Variants in CTDP1 observed in about 807,000 individuals in gnomAD.
CTDP1 encodes CTD phosphatase 1, also known as RNA polymerase II subunit A C-terminal domain phosphatase.
CTDP1 carries 47 observed loss-of-function variants against 91.8 expected under a neutral mutation model. The observed-to-expected ratio is 0.51, with a 90% CI of 0.41 to 0.65. CTDP1 has a LOEUF of 0.65. Ranked by LOEUF, CTDP1 falls within the 30% of genes least tolerant of loss-of-function variation. The pLI is 0.00. For missense variants in CTDP1, 1,272 were observed against 1,373.7 expected (o/e 0.93, Z 1.17); for synonymous variants, 656 against 598.5 (o/e 1.10, Z -1.40).
chr18:79,714,621 C>T lies in CTDP1; in HGVS notation c.1161C>T (p.Ser387=), dbSNP rs376513601. 1.5e-5 allele frequency: 24 copies of T among 1,612,590 alleles called. No homozygotes were observed. The highest frequency in any genetic ancestry group is 5.3e-5 in the African/African-American group (4 of 74,934). The part of the protein sequence containing the change: ...LEKPARELNG[S]EAATPRDSPR... ...AGCCTGCACGGGAGCTGAACGGCAG[C>T]GAGGCCGCCACCCCGCGGGACTCAC... Residue 387 remains serine, a synonymous_variant, in exon 8 of 13, where the codon AGC becomes AGT. Transcript: ENST00000613122.
intron 6 of CTDP1, 90 bp downstream of exon 6, chr18:79,710,526 T>C (rs1568190645): frequency 9.7e-7 from 1 of 1,034,492 alleles, no homozygotes; most frequent in Non-Finnish European, 1.5e-6. Flanking sequence ...AGTATTTCTT[T>C]TTTTCTTTTT....
chr18:79,705,059 G>GT (rs1568186777), intron 5 of CTDP1, 142 bp downstream of exon 5: 1 of 1,321,126 alleles, frequency 7.6e-7, no homozygotes, highest in African/African-American at 1.5e-5. Context: ...TGTGCAGGGG[G>GT]TTGTGAGAGG....
chr18:79,717,320 A>T (rs1420902169), intron 8 of CTDP1, among the ~76,000 whole-genome samples: 2 of 142,798 alleles, frequency 1.4e-5, no homozygotes, highest in Admixed American at 7.0e-5. Context: ...GGTGGGGTGC[A>T]GCCGGGTGAG....
intron 5 of CTDP1, among the ~76,000 whole-genome samples, chr18:79,706,420 G>A (rs114708551): frequency 0.016 from 2,381 of 152,242 alleles, 69 homozygotes; most frequent in African/African-American, 0.054. Context: ...CACACAAACC[G>A]CAGGGACAGT....
rs1283138630 is a variant in CTDP1 at position 79,714,378 on chromosome 18, T to G, written c.1031-113T>G. Reference sequence around the variant, plus strand: ...TCACAGCAAGGTTGCCAAGGCCTGGTCTAGAGGGTGGTGGACTTCACAGCC... The same window carrying G: ...TCACAGCAAGGTTGCCAAGGCCTGGGCTAGAGGGTGGTGGACTTCACAGCC... On this transcript the variant is annotated intron_variant, in intron 7 of 12. Transcript: ENST00000613122. 31 of 1,252,366 alleles carry G rather than the reference T, an allele frequency of 2.5e-5. No homozygotes were observed. In the East Asian group the frequency reaches 7.4e-4, roughly 30 times the overall value. 77.6% of individuals were successfully genotyped at this position (1,252,366 alleles called of 1,614,324 possible).
Position 79,693,247 on chromosome 18 carries a change from T to TTTTTTG in CTDP1, c.315-1960_315-1955dup, listed in dbSNP as rs533161824. ...TGGTCCAGTGTGGGGTTTGTGCGTT[T>TTTTTTG]TTTTTGTTTTTGTTTTTGTTTTTTT... On this transcript the variant is annotated intron_variant, in intron 1 of 12. Transcript: ENST00000613122. Among the ~76,000 whole-genome samples, 300 of 152,268 alleles carry TTTTTTG rather than the reference T, an allele frequency of 2.0e-3. 2 individuals carry two copies. Among genetic ancestry groups the TTTTTTG allele is most frequent in the African/African-American group, 6.0e-3 (250 of 41,548 alleles).
At chr18:79,706,459 G>T (rs751655035) in intron 5 of CTDP1, among the ~76,000 whole-genome samples, 1 of 152,224 alleles carries the variant, frequency 6.6e-6, no homozygotes, top group Admixed American at 6.5e-5. Flanking sequence ...ACAACTGAGC[G>T]GGGCATCACT....
Position 79,696,604 on chromosome 18 carries a change from A to C in CTDP1, c.492+534A>C, listed in dbSNP as rs377040305. 4.4e-3 allele frequency among the ~76,000 whole-genome samples: 667 copies of C among 151,968 alleles called. 3 individuals carry two copies. Among genetic ancestry groups the C allele is most frequent in the African/African-American group, 0.015 (601 of 41,422 alleles). On this transcript the variant is annotated intron_variant, in intron 3 of 12. Transcript: ENST00000613122. ...GGCACCATTGGGAAGCTGGCTCGGGAGAGTGGGCACATGCAGGGGCGGGTT... is the reference window on the plus strand; with the variant it reads ...GGCACCATTGGGAAGCTGGCTCGGGCGAGTGGGCACATGCAGGGGCGGGTT...
Position 79,704,757 on chromosome 18 carries a change from T to A in CTDP1, c.622-10T>A. ...CCTTTTCTCCCGACTGTTGCTACTA[T>A]TCTTTTTAGGGCATCTTTCACTTCC... is the stretch of plus-strand genomic sequence containing the variant. On this transcript the variant is annotated splice_polypyrimidine_tract_variant and intron_variant, in intron 4 of 12. Coordinates refer to ENST00000613122, the MANE Select transcript of CTDP1 (RefSeq NM_004715.5). 2 of 1,613,418 alleles carry A rather than the reference T, an allele frequency of 1.2e-6. No individual in the cohort carries two copies. Among genetic ancestry groups the A allele is most frequent in the South Asian group, 1.1e-5 (1 of 91,088 alleles).
intron 1 of CTDP1, among the ~76,000 whole-genome samples, chr18:79,693,785 C>A (rs2085674411): frequency 6.6e-6 from 1 of 152,166 alleles, no homozygotes; most frequent in African/African-American, 2.4e-5. Flanking sequence ...CCCCTCCACT[C>A]CCCTCCAGGC....
intron 12 of CTDP1, among the ~76,000 whole-genome samples, chr18:79,742,730 G>A (rs1380827078): frequency 7.2e-5 from 11 of 152,206 alleles, no homozygotes; most frequent in African/African-American, 2.7e-4. Context: ...TGCCGAGGTG[G>A]GCAGATGACT....
intron 11 of CTDP1, among the ~76,000 whole-genome samples, chr18:79,734,069 C>T (rs962481526): frequency 4.6e-5 from 7 of 152,352 alleles, no homozygotes; most frequent in East Asian, 1.9e-4. Context: ...GTGCAAGTGA[C>T]GTGTGTTTGG....
chr18:79,695,890 CAGCTAGAATCCTGTCACTTAG>C, intron 2 of CTDP1, 66 bp from the exon 3 acceptor site: 1 of 1,058,000 alleles, frequency 9.5e-7, no homozygotes, highest in South Asian at 1.3e-5. Context: ...GTTAAAACAT[CAGCTAGAATCCTGTCACTTAG>C]AGCCCAGTGT....
In CTDP1 at chr18:79,741,767, C is replaced by T. The variant is rs960965491; in HGVS notation, c.2747+5246C>T. On this transcript the variant is annotated intron_variant, in intron 12 of 12. Transcript: ENST00000613122. ...TCCTCTTGTCCGTTTGGGAGGGTTG[C>T]GTGAGCTCCCACTCTTAGACAACAG... is the stretch of plus-strand genomic sequence containing the variant. Among the ~76,000 whole-genome samples, 7 of 152,312 alleles carry T rather than the reference C, an allele frequency of 4.6e-5. No homozygotes were observed. The East Asian group carries it at 5.8e-4, about 13-fold the overall frequency.
chr18:79,693,989 G>C (rs892173793), intron 1 of CTDP1, among the ~76,000 whole-genome samples: 1 of 152,246 alleles, frequency 6.6e-6, no homozygotes, highest in African/African-American at 2.4e-5. Context: ...GCTCCGCCTT[G>C]TTTCCGCCTG....
intron 12 of CTDP1, among the ~76,000 whole-genome samples, chr18:79,740,993 G>A (rs72976168): frequency 0.12 from 18,900 of 151,732 alleles, 1,451 homozygotes; most frequent in Non-Finnish European, 0.19. Context: ...TCCCCCGTGC[G>A]GTTGATCTGT....
At chr18:79,747,889 C>T (rs994862145) in intron 12 of CTDP1, among the ~76,000 whole-genome samples, 3 of 152,194 alleles carry the variant, frequency 2.0e-5, no homozygotes, top group Non-Finnish European at 2.9e-5. Context: ...GTGCATTTGC[C>T]GCACTGACGG....
intron 6 of CTDP1, among the ~76,000 whole-genome samples, chr18:79,710,868 T>A (rs1374306797): frequency 6.6e-6 from 1 of 152,110 alleles, no homozygotes; most frequent in African/African-American, 2.4e-5. Flanking sequence ...TCTGTATTGA[T>A]GTTTTTTAGG....
At chr18:79,711,873 C>T (rs2086090987) in intron 6 of CTDP1, among the ~76,000 whole-genome samples, 2 of 152,078 alleles carry the variant, frequency 1.3e-5, no homozygotes, top group East Asian at 1.9e-4. Context: ...AGGAGTTTCC[C>T]CATTTCCACC....
Sources: allele counts gnomAD v4.1 joint callset (sites outside exome capture counted in the v4.1 genomes callset), GRCh38; gene constraint gnomAD v4.1.1; transcripts MANE v1.5; gene names NCBI Gene and HGNC (gene_info 2026-07-23, HGNC 2026-07-21).